ART3: variants seen among roughly 807,000 people sequenced by gnomAD.
The protein encoded by ART3 is ecto-ADP-ribosyltransferase 3.
ART3 carries 49 observed loss-of-function variants against 48.5 expected under a neutral mutation model. The observed-to-expected ratio is 1.01, with a 90% CI of 0.80 to 1.28. The LOEUF (loss-of-function observed/expected upper bound fraction) is 1.28, where lower values mean the gene tolerates loss of function less well. Ranked by LOEUF, ART3 falls within the 50% of genes most tolerant of loss-of-function variation. The pLI is 0.00. For missense variants in ART3, 438 were observed against 454.3 expected, an observed-to-expected ratio of 0.96 and a Z score of 0.33; for synonymous variants, 145 against 157.2, an observed-to-expected ratio of 0.92 and a Z score of 0.58.
chr4:76,042,038 AAAT>A (rs1346158797), intron 1 of ART3, among the ~76,000 whole-genome samples: 2 of 152,160 alleles, frequency 1.3e-5, no homozygotes, highest in Non-Finnish European at 2.9e-5. Context: ...TCACCCACTT[AAAT>A]AAGTTTTGCT....
At chr4:76,022,523 A>C in intron 1 of ART3, 1 of 1,525,714 alleles carries the variant, frequency 6.6e-7, no homozygotes, top group Non-Finnish European at 9.0e-7. Flanking sequence ...TGGCATACGC[A>C]GTTCTGAAGT....
At chr4:76,055,185 G>A (rs867868347) in intron 1 of ART3, among the ~76,000 whole-genome samples, 1 of 152,198 alleles carries the variant, frequency 6.6e-6, no homozygotes, top group South Asian at 2.1e-4. Context: ...AGTATGAGCA[G>A]TAAAAGGTGT....
chr4:76,027,956 T>C (rs1197782995), intron 1 of ART3, among the ~76,000 whole-genome samples: 4 of 152,310 alleles, frequency 2.6e-5, no homozygotes, highest in African/African-American at 2.4e-5. Context: ...AGACAGTGTA[T>C]CCATTTACAA....
chr4:76,020,022 A>G (rs79139894), intron 1 of ART3, among the ~76,000 whole-genome samples: 6 of 152,176 alleles, frequency 3.9e-5, no homozygotes, highest in East Asian at 1.9e-4. Context: ...ATTTGAATGT[A>G]CATTTCCTTG....
At chr4:76,105,161 C>G (rs1289519858) in intron 10 of ART3, among the ~76,000 whole-genome samples, 1 of 152,274 alleles carries the variant, frequency 6.6e-6, no homozygotes, top group African/African-American at 2.4e-5. Context: ...TGATGACACA[C>G]CTTGTGCGTC....
At chr4:76,014,459 C>G (rs984118610) in intron 1 of ART3, among the ~76,000 whole-genome samples, 1 of 152,028 alleles carries the variant, frequency 6.6e-6, no homozygotes, top group Non-Finnish European at 1.5e-5. Context: ...AAGAAAGAAT[C>G]TGCAAATCTG....
chr4:76,025,403 A>G (rs1666621475), intron 1 of ART3, among the ~76,000 whole-genome samples: 1 of 152,222 alleles, frequency 6.6e-6, no homozygotes, highest in African/African-American at 2.4e-5. Flanking sequence ...TATAGAAGAC[A>G]ATGTAAAAAG....
In ART3 at chr4:76,098,975, G is replaced by A; in HGVS notation, c.835G>A (p.Val279Ile). The A allele has an allele frequency of 1.2e-6, 2 of 1,609,494 alleles. No homozygotes were observed. The highest frequency in any genetic ancestry group is 1.7e-6 in the Non-Finnish European group (2 of 1,175,938). Residue 279 changes from valine (V) to isoleucine (I), a missense_variant, in exon 5 of 12, where the codon GTC becomes ATC. Transcript: ENST00000355810. ...ENLEYFQPIY[V>I]YNPGEKNQKL... ...TTCAGAATATTTTCAACCCATCTATGTCTACAACCCTGGTGAGTATGTTCT... is the reference window on the plus strand; with the variant it reads ...TTCAGAATATTTTCAACCCATCTATATCTACAACCCTGGTGAGTATGTTCT...
intron 11 of ART3, among the ~76,000 whole-genome samples, chr4:76,109,473 G>A (rs889228660): frequency 6.6e-6 from 1 of 152,026 alleles, no homozygotes; most frequent in Non-Finnish European, 1.5e-5. Flanking sequence ...TATAGTTAAC[G>A]TTTTTTAATA....
intron 3 of ART3, among the ~76,000 whole-genome samples, chr4:76,086,832 G>A (rs1018679001): frequency 2.6e-5 from 4 of 152,156 alleles, no homozygotes; most frequent in Admixed American, 2.6e-4. Context: ...GGAACTGATC[G>A]TGGGTATGCA....
chr4:76,033,584 T>G (rs1432593009), intron 1 of ART3: 1 of 152,174 alleles, frequency 6.6e-6, no homozygotes, highest in Non-Finnish European at 1.5e-5. Context: ...AAAATATATT[T>G]CTAAACAGTT....
At chr4:76,032,388 A>G (rs1334131524) in intron 1 of ART3, among the ~76,000 whole-genome samples, 1 of 151,852 alleles carries the variant, frequency 6.6e-6, no homozygotes, top group East Asian at 1.9e-4. Flanking sequence ...CCTATTTTTT[A>G]TAGAGATGAA....
chr4:76,030,914 GT>G (rs1311494949), intron 1 of ART3, among the ~76,000 whole-genome samples: 1 of 152,066 alleles, frequency 6.6e-6, no homozygotes, highest in African/African-American at 2.4e-5. Flanking sequence ...TGGCTGTTGT[GT>G]ATAATGCTGC....
chr4:76,031,483 A>G (rs145688368), intron 1 of ART3, among the ~76,000 whole-genome samples: 1 of 152,286 alleles, frequency 6.6e-6, no homozygotes, highest in Non-Finnish European at 1.5e-5. Context: ...CCCACTTTCA[A>G]TCAACCATTC....
intron 1 of ART3, chr4:76,023,399 A>T: frequency 6.2e-7 from 1 of 1,613,972 alleles, no homozygotes; most frequent in African/African-American, 1.3e-5. Context: ...TCAGAAAGAT[A>T]AGGCAGCAAA....
intron 1 of ART3, among the ~76,000 whole-genome samples, chr4:76,056,356 T>TG (rs1718687380): frequency 6.6e-6 from 1 of 152,126 alleles, no homozygotes; most frequent in African/African-American, 2.4e-5. Flanking sequence ...CCTCTACCTG[T>TG]GGGGTCTTCC....
chr4:76,035,860 G>A lies in ART3; in HGVS notation c.-10+24540G>A, dbSNP rs1199404445. The stretch of plus-strand genomic sequence containing the variant: ...TTATCATGTCTTTTAGGATAAAAGT[G>A]GAAGAAAAGACATTTGAAACATTAG... On this transcript the variant is annotated intron_variant, in intron 1 of 9. Transcript: ENST00000341029. 5 of 1,367,658 alleles carry A rather than the reference G, an allele frequency of 3.7e-6. No homozygotes were observed. In the East Asian group the frequency reaches 9.2e-5, roughly 25 times the overall value. The allele number at this position is 1,367,658 out of a possible 1,614,324, so 84.7% of individuals were successfully genotyped here.
intron 1 of ART3, among the ~76,000 whole-genome samples, chr4:76,031,677 T>G (rs1278272705): frequency 6.6e-6 from 1 of 152,240 alleles, no homozygotes; most frequent in African/African-American, 2.4e-5. Flanking sequence ...TTCCTACTAC[T>G]GTACATTCCC....
At chr4:76,016,960 C>CA (rs1027377184) in intron 1 of ART3, among the ~76,000 whole-genome samples, 1 of 151,098 alleles carries the variant, frequency 6.6e-6, no homozygotes, top group Non-Finnish European at 1.5e-5. Context: ...GCCTGGGACT[C>CA]ACGTTTCAGG....
Sources: allele counts gnomAD v4.1 joint callset (sites outside exome capture counted in the v4.1 genomes callset), GRCh38; gene constraint gnomAD v4.1.1; transcripts MANE v1.5; gene names NCBI Gene and HGNC (gene_info 2026-07-23, HGNC 2026-07-21).